The following TRPV5 variants were observed in gnomAD, a reference collection of about 807,000 sequenced individuals.
TRPV5 encodes the protein calcium transport protein 2.
Under a neutral mutation model 74.1 loss-of-function variants are expected in TRPV5, and 66 were observed. The ratio of observed to expected loss-of-function variants is 0.89; its 90% CI spans 0.73 to 1.09. TRPV5 has a LOEUF of 1.09. Among genes scored for constraint, TRPV5 ranks in the 50% least tolerant of loss-of-function variants. TRPV5 has a pLI of 0.00. For missense variants in TRPV5, 936 were observed against 930.4 expected, an observed-to-expected ratio of 1.01 and a Z score of -0.08; for synonymous variants, 399 against 360.7, an observed-to-expected ratio of 1.11 and a Z score of -1.20.
rs569632970 is a variant in TRPV5, at chr7:142,909,736, T to G, written c.1789-140A>C. 2.7e-5 allele frequency: 22 copies of G among 820,236 alleles called. 1 individual carries two copies. In the South Asian group the frequency reaches 3.6e-4, roughly 13 times the overall value. The allele number at this position is 820,236 out of a possible 1,614,324, so 50.8% of individuals were successfully genotyped here. ...GTCAGTGGTGAGAACAGCCACCTATTCACCCCACAGCCTGTGCCAGGCACC... is the reference window on the plus strand; with the variant it reads ...GTCAGTGGTGAGAACAGCCACCTATGCACCCCACAGCCTGTGCCAGGCACC... On this transcript the variant is annotated intron_variant, in intron 13 of 14. Transcript: ENST00000265310.
chr7:142,923,329 CT>C (rs2116593996), intron 8 of TRPV5, among the ~76,000 whole-genome samples: 1 of 152,194 alleles, frequency 6.6e-6, no homozygotes, highest in Admixed American at 6.5e-5. Context: ...AAGGAATTTC[CT>C]ATTATTTAAA....
At chr7:142,920,919 T>C (rs4252456) in intron 8 of TRPV5, among the ~76,000 whole-genome samples, 7,151 of 152,226 alleles carry the variant, frequency 0.047, 333 homozygotes, top group African/African-American at 0.13. Flanking sequence ...GATGAATGCA[T>C]GTGTTCATGA....
intron 14 of TRPV5, 138 bp from the exon 15 acceptor site, chr7:142,908,946 G>A (rs1056397785): frequency 2.3e-6 from 2 of 882,736 alleles, no homozygotes; most frequent in Admixed American, 2.8e-5. Context: ...AAGAGTATCT[G>A]GGATCAAGTG....
In TRPV5 at chr7:142,933,658, A is replaced by G. The variant is rs1002950290; in HGVS notation, c.-199T>C. ...TATGTGGGTTGTGGGGTGTGCGTGT[A>G]TGCACAGTGTGTGGCTGTGGTGTAT... On this transcript the variant is annotated 5_prime_UTR_variant, in exon 1 of 15. Coordinates refer to ENST00000265310, the MANE Select transcript of TRPV5 (RefSeq NM_019841.7). 1.5e-6 allele frequency: 1 copy of G among 661,170 alleles called. No homozygotes were observed. Among genetic ancestry groups the G allele is most frequent in the Non-Finnish European group, 2.6e-6 (1 of 391,560 alleles). The allele number at this position is 661,170 out of a possible 1,614,324, so 41.0% of individuals were successfully genotyped here. A position where few individuals can be genotyped will look rare whatever the true frequency, so the allele number is the denominator to read the frequency against.
intron 3 of TRPV5, 90 bp from the exon 4 acceptor site, chr7:142,929,655 C>T (rs1796050861): frequency 2.6e-6 from 4 of 1,554,464 alleles, no homozygotes; most frequent in Admixed American, 3.6e-5. Context: ...TCAGGAGGTT[C>T]CTGATAGATC....
intron 8 of TRPV5, chr7:142,925,131 CTG>C: frequency 5.2e-6 from 2 of 387,124 alleles, no homozygotes; most frequent in Non-Finnish European, 9.4e-6. Context: ...GCAGGGCTGT[CTG>C]TGTTGCCCAA....
chr7:142,931,711 A>T (rs1022420318), intron 1 of TRPV5, among the ~76,000 whole-genome samples: 7 of 151,864 alleles, frequency 4.6e-5, no homozygotes, highest in South Asian at 4.2e-4. Flanking sequence ...TTATTTATTT[A>T]TTTTTTTTGA....
intron 8 of TRPV5, among the ~76,000 whole-genome samples, chr7:142,918,556 C>T (rs1795833637): frequency 6.6e-6 from 1 of 152,220 alleles, no homozygotes; most frequent in Admixed American, 6.5e-5. Context: ...CCTAGCTCCC[C>T]AATGCCTTCA....
intron 8 of TRPV5, among the ~76,000 whole-genome samples, chr7:142,923,996 C>G (rs1221403386): frequency 6.6e-6 from 1 of 151,914 alleles, no homozygotes; most frequent in Non-Finnish European, 1.5e-5. Context: ...TCATCCCCAC[C>G]TTGTTTGTGT....
intron 3 of TRPV5, 37 bp from the exon 4 acceptor site, chr7:142,929,602 G>A: frequency 1.2e-6 from 2 of 1,604,674 alleles, no homozygotes; most frequent in Non-Finnish European, 1.7e-6. Context: ...GTCTCCCTCT[G>A]TCCCCAGTTC....
In TRPV5 at chr7:142,912,599, A is replaced by G; in HGVS notation, c.1671T>C (p.Ile557=). 1.2e-6 allele frequency: 2 copies of G among 1,614,214 alleles called. No individual in the cohort carries two copies. The highest frequency in any genetic ancestry group is 1.7e-6 in the Non-Finnish European group (2 of 1,180,040). The change falls in exon 13 of 15, where the codon ATT becomes ATC. Residue 557 remains isoleucine, a synonymous_variant. Coordinates refer to ENST00000265310, the MANE Select transcript of TRPV5 (RefSeq NM_019841.7). The stretch of plus-strand genomic sequence containing the variant: ...CAATGATGGTGAAGGCGAAGTTGAC[A>G]ATGCTGAACATGAAGGGCAAGTCCA... The part of the protein sequence containing the change: ...YDVDLPFMFS[I]VNFAFTIIAT...
rs1158330299 is a variant in TRPV5, at chr7:142,928,777, C to A, written c.676G>T (p.Gly226Trp). ...YNLLLSYDGH[G>W]DHLQPLDLVP... ...AGGTCCAGGGGCTGCAGGTGGTCCCCATGTCCATCATAGGACAGCAGCAGG... is the reference window on the plus strand; with the variant it reads ...AGGTCCAGGGGCTGCAGGTGGTCCCAATGTCCATCATAGGACAGCAGCAGG... Residue 226 changes from glycine (G) to tryptophan (W), a missense_variant, in exon 6 of 15, where the codon GGG becomes TGG. Gly to Trp is a radical substitution (Grantham distance 184). Coordinates refer to ENST00000265310, the MANE Select transcript of TRPV5 (RefSeq NM_019841.7). The A allele has an allele frequency of 2.5e-5, 40 of 1,614,158 alleles. No homozygotes were observed. Among genetic ancestry groups the A allele is most frequent in the Non-Finnish European group, 3.1e-5 (36 of 1,180,006 alleles).
At position 142,931,922 on chromosome 7, in the gene TRPV5, G is replaced by A. The variant is rs373353325; in HGVS notation, c.128+1410C>T. On this transcript the variant is annotated intron_variant, in intron 1 of 14. Coordinates refer to ENST00000265310, the MANE Select transcript of TRPV5 (RefSeq NM_019841.7). ...TCAGCATGTTGGCCAGGCTGCTCTC[G>A]AACTCCTGACCTCAGGTGATCCACC... is the stretch of plus-strand genomic sequence containing the variant. Among the ~76,000 whole-genome samples, 412 of 152,164 alleles carry A rather than the reference G, an allele frequency of 2.7e-3. 2 individuals are homozygous for A. Among genetic ancestry groups the A allele is most frequent in the African/African-American group, 9.5e-3 (395 of 41,526 alleles).
At chr7:142,933,143 A>T (rs1796123593) in intron 1 of TRPV5, among the ~76,000 whole-genome samples, 189 bp downstream of exon 1, 1 of 152,162 alleles carries the variant, frequency 6.6e-6, no homozygotes, top group South Asian at 2.1e-4. Context: ...CCAAAGCCAC[A>T]TCCTCCACCG....
intron 3 of TRPV5, 81 bp from the exon 4 acceptor site, chr7:142,929,646 C>A: frequency 6.4e-7 from 1 of 1,569,772 alleles, no homozygotes; most frequent in South Asian, 1.2e-5. Context: ...CCATCCCTCT[C>A]AGGAGGTTCC....
Position 142,915,353 on chromosome 7 carries a change from G to A in TRPV5, c.1240C>T (p.Arg414Cys), listed in dbSNP as rs759878498. ...IPDIFRVGAS[R>C]YFGKTILGGP... Reference sequence around the variant, plus strand: ...CCAAGAATCGTCTTTCCAAAATAGCGAGAGGCACCAACCCTGAAGATGTCT... The same window carrying A: ...CCAAGAATCGTCTTTCCAAAATAGCAAGAGGCACCAACCCTGAAGATGTCT... Residue 414 changes from arginine (R) to cysteine (C), a missense_variant, in exon 10 of 15, where the codon CGC becomes TGC. Arg to Cys is a radical substitution (Grantham distance 180, BLOSUM62 -3). Coordinates refer to ENST00000265310, the MANE Select transcript of TRPV5 (RefSeq NM_019841.7). The A allele has an allele frequency of 6.8e-6, 11 of 1,607,212 alleles. No homozygotes were observed. Among genetic ancestry groups the A allele is most frequent in the African/African-American group, 1.3e-5 (1 of 74,356 alleles).
rs1186391634 is a variant in TRPV5, at chr7:142,930,848, GC to G, written c.129-403del. Among the ~76,000 whole-genome samples the G allele has an allele frequency of 9.9e-5, 15 of 152,102 alleles. 1 individual carries two copies. Among genetic ancestry groups the G allele is most frequent in the Admixed American group, 8.5e-4 (13 of 15,268 alleles). ...AGCGGGACAGAGGGCACTTCCATCT[GC>G]GGTCCCCCTGCTCCTGGGCCTGCTG... On this transcript the variant is annotated intron_variant, in intron 1 of 14. Coordinates refer to ENST00000265310, the MANE Select transcript of TRPV5 (RefSeq NM_019841.7).
intron 8 of TRPV5, chr7:142,925,195 T>C: frequency 1.9e-6 from 1 of 515,238 alleles, no homozygotes; most frequent in South Asian, 3.0e-5. Flanking sequence ...TTTCCTCCTT[T>C]TGAGCAATAG....
rs2116569340 is a variant in TRPV5, at chr7:142,908,564, G to T, written c.2140C>A (p.Leu714Ile). 1.2e-6 allele frequency: 2 copies of T among 1,614,256 alleles called. No homozygotes were observed. The highest frequency in any genetic ancestry group is 1.1e-5 in the South Asian group (1 of 91,092). ...LRQNTLGHLN[L>I]GLNLSEGDGE... ...TCCCCCTCACTAAGGTTCAGTCCAA[G>T]ATTCAAGTGCCCCAGGGTGTTTTGA... is the stretch of plus-strand genomic sequence containing the variant. The change falls in exon 15 of 15, where the codon CTT becomes ATT. Residue 714 changes from leucine (L) to isoleucine (I), a missense_variant. Physicochemically the swap from Leu to Ile is conservative, Grantham distance 5. Transcript: ENST00000265310.
Sources: allele counts gnomAD v4.1 joint callset (sites outside exome capture counted in the v4.1 genomes callset), GRCh38; gene constraint gnomAD v4.1.1; transcripts MANE v1.5; gene names NCBI Gene and HGNC (gene_info 2026-07-23, HGNC 2026-07-21).